Variants in PCDH9 observed in about 807,000 individuals in gnomAD.
PCDH9 encodes the protein protocadherin-9.
A neutral mutation model predicts 70.6 loss-of-function variants in PCDH9; 24 were observed. The observed-to-expected ratio is 0.34, with a 90% CI of 0.25 to 0.48. The LOEUF (loss-of-function observed/expected upper bound fraction) is 0.48, where lower values mean the gene tolerates loss of function less well. Ranked by LOEUF, PCDH9 falls within the 20% of genes least tolerant of loss-of-function variation. The pLI, the probability that PCDH9 is intolerant of heterozygous loss-of-function variation, is 0.99. For synonymous variants in PCDH9, 562 were observed against 558.5 expected (o/e 1.01, Z -0.09); for missense variants, 1,281 against 1,503.6 (o/e 0.85, Z 2.45).
chr13:66,865,451 T>C (rs1413702411), intron 3 of PCDH9, among the ~76,000 whole-genome samples: 1 of 152,278 alleles, frequency 6.6e-6, no homozygotes, highest in Non-Finnish European at 1.5e-5. Context: ...AATGACTAAA[T>C]AATTTTATTC....
intron 3 of PCDH9, among the ~76,000 whole-genome samples, chr13:66,760,443 A>C (rs1026323147): frequency 7.9e-5 from 12 of 152,166 alleles, no homozygotes; most frequent in African/African-American, 2.7e-4. Flanking sequence ...TGAAGATTTC[A>C]TGGACATTTA....
At chr13:66,747,879 CTGCACTG>C (rs1201369584) in intron 3 of PCDH9, among the ~76,000 whole-genome samples, 2 of 152,130 alleles carry the variant, frequency 1.3e-5, no homozygotes, top group African/African-American at 4.8e-5. Context: ...ACCTCTAAAA[CTGCACTG>C]TCAGACCTTG....
intron 3 of PCDH9, among the ~76,000 whole-genome samples, chr13:66,640,633 A>C (rs1351119789): frequency 1.3e-5 from 2 of 152,170 alleles, no homozygotes; most frequent in Non-Finnish European, 2.9e-5. Flanking sequence ...AGTAAGAATG[A>C]AAACTAGTAA....
chr13:66,730,903 T>TGTGGAGACAGAGG (rs2079070991), intron 3 of PCDH9, among the ~76,000 whole-genome samples: 1 of 135,854 alleles, frequency 7.4e-6, no homozygotes, highest in Non-Finnish European at 1.6e-5. Flanking sequence ...TTCTTTTTTT[T>TGTGGAGACAGAGG]TGTGGAGACA....
At chr13:66,865,462 G>A (rs907856847) in intron 3 of PCDH9, among the ~76,000 whole-genome samples, 1 of 152,088 alleles carries the variant, frequency 6.6e-6, no homozygotes. Context: ...AATTTTATTC[G>A]AGTAAGTAGA....
At chr13:66,713,949 G>A (rs1029742762) in intron 3 of PCDH9, among the ~76,000 whole-genome samples, 1 of 151,940 alleles carries the variant, frequency 6.6e-6, no homozygotes, top group Non-Finnish European at 1.5e-5. Flanking sequence ...TTTTGTAACT[G>A]ATGATTTGAA....
intron 4 of PCDH9, among the ~76,000 whole-genome samples, chr13:66,529,838 G>C (rs983654709): frequency 2.7e-5 from 4 of 148,948 alleles, no homozygotes; most frequent in African/African-American, 4.9e-5. Context: ...ATGAACACAA[G>C]ATAGTATTGT....
At chr13:66,479,247 C>A (rs7322100) in intron 4 of PCDH9, among the ~76,000 whole-genome samples, 2,128 of 152,242 alleles carry the variant, frequency 0.014, 55 homozygotes, top group African/African-American at 0.049. Flanking sequence ...TGCTTATGGA[C>A]AATGTATGTG....
intron 2 of PCDH9, among the ~76,000 whole-genome samples, chr13:66,988,045 T>C (rs570787574): frequency 7.2e-5 from 11 of 151,936 alleles, no homozygotes; most frequent in African/African-American, 2.7e-4. Context: ...AACTAAAGTG[T>C]GTGGCACTAT....
chr13:66,929,102 CAT>C (rs1566299453), intron 2 of PCDH9, among the ~76,000 whole-genome samples: 1 of 151,916 alleles, frequency 6.6e-6, no homozygotes, highest in African/African-American at 2.4e-5. Flanking sequence ...AAAATATGAA[CAT>C]GTTTTCATTT....
chr13:66,895,001 T>C (rs1004409207), intron 3 of PCDH9, among the ~76,000 whole-genome samples: 1 of 152,058 alleles, frequency 6.6e-6, no homozygotes, highest in African/African-American at 2.4e-5. Context: ...AGAGACAGGG[T>C]TTCACCATGT....
intron 4 of PCDH9, among the ~76,000 whole-genome samples, chr13:66,622,517 C>G (rs1484722905): frequency 6.6e-6 from 1 of 152,188 alleles, no homozygotes; most frequent in Non-Finnish European, 1.5e-5. Context: ...CACCAATCAA[C>G]ACCCTGTGTC....
intron 2 of PCDH9, among the ~76,000 whole-genome samples, chr13:67,044,929 T>C (rs2085193804): frequency 1.3e-5 from 2 of 152,062 alleles, no homozygotes; most frequent in South Asian, 4.1e-4. Flanking sequence ...GTGCAAAAAT[T>C]AGGAAGATGA....
intron 2 of PCDH9, among the ~76,000 whole-genome samples, chr13:67,037,921 G>A (rs549174788): frequency 2.2e-4 from 34 of 152,256 alleles, no homozygotes; most frequent in Non-Finnish European, 4.7e-4. Flanking sequence ...TAAGAACCTG[G>A]ATTAATGACC....
At chr13:67,224,788 A>G (rs1029365962) in intron 2 of PCDH9, 10 of 867,372 alleles carry the variant, frequency 1.2e-5, no homozygotes, top group Non-Finnish European at 1.4e-5. Context: ...AAATCTTTCT[A>G]TTAAGTACCG....
At chr13:66,717,711 T>A (rs2078890035) in intron 3 of PCDH9, among the ~76,000 whole-genome samples, 1 of 151,742 alleles carries the variant, frequency 6.6e-6, no homozygotes, top group Non-Finnish European at 1.5e-5. Context: ...TCAAATCTCT[T>A]AATTGTTCTT....
intron 2 of PCDH9, among the ~76,000 whole-genome samples, chr13:67,062,441 A>C (rs953056521): frequency 6.6e-6 from 1 of 152,184 alleles, no homozygotes; most frequent in Non-Finnish European, 1.5e-5. Flanking sequence ...TTTCTTTCAC[A>C]ATGTTAACCA....
chr13:67,083,439 TAA>T (rs1284155370), intron 2 of PCDH9, among the ~76,000 whole-genome samples: 1 of 152,146 alleles, frequency 6.6e-6, no homozygotes, highest in Non-Finnish European at 1.5e-5. Context: ...TATATCAATT[TAA>T]AAAGTCAACT....
At chr13:67,099,709 T>C (rs1292662832) in intron 2 of PCDH9, among the ~76,000 whole-genome samples, 2 of 152,142 alleles carry the variant, frequency 1.3e-5, no homozygotes, top group African/African-American at 4.8e-5. Flanking sequence ...GAACTTGATA[T>C]GAGAGGCTGA....
Sources: gnomAD v4.1 joint callset for allele counts (sites outside exome capture counted in the v4.1 genomes callset) on GRCh38, gnomAD v4.1.1 for gene constraint, MANE v1.5 for transcripts, NCBI Gene and HGNC (gene_info 2026-07-23, HGNC 2026-07-21) for gene names.